Variants in CNTNAP2 observed in about 807,000 individuals in gnomAD.
CNTNAP2 encodes the protein contactin associated protein 2.
In CNTNAP2, 98 loss-of-function variants were observed where a neutral mutation model predicts 155.2. The observed-to-expected ratio is 0.63, with a 90% CI of 0.54 to 0.75. CNTNAP2 has a LOEUF of 0.75. Ranked by LOEUF, CNTNAP2 falls within the 30% of genes least tolerant of loss-of-function variation. CNTNAP2 has a pLI of 0.00. For synonymous variants in CNTNAP2, 651 were observed against 631.2 expected, an observed-to-expected ratio of 1.03 and a Z score of -0.47; for missense variants, 1,727 against 1,688.1, an observed-to-expected ratio of 1.02 and a Z score of -0.40.
intron 13 of CNTNAP2, among the ~76,000 whole-genome samples, chr7:147,662,379 G>A (rs1563043472): frequency 6.6e-6 from 1 of 152,244 alleles, no homozygotes; most frequent in African/African-American, 2.4e-5. Flanking sequence ...CTGATTAACA[G>A]TGCATTGCAG....
chr7:146,924,904 C>T (rs1386993379), intron 3 of CNTNAP2, among the ~76,000 whole-genome samples: 2 of 151,810 alleles, frequency 1.3e-5, no homozygotes, highest in African/African-American at 4.8e-5. Context: ...TATTGGCATG[C>T]CAAGAATTGT....
chr7:146,780,356 T>C (rs1802463998), intron 2 of CNTNAP2, among the ~76,000 whole-genome samples: 1 of 151,962 alleles, frequency 6.6e-6, no homozygotes, highest in Non-Finnish European at 1.5e-5. Flanking sequence ...TGGCTAATTT[T>C]TTTTTTGTAT....
At position 146,914,272 on chromosome 7, in the gene CNTNAP2, T is replaced by C. The variant is rs1207220948; in HGVS notation, c.402+74368T>C. ...GCTATAAACATATGTGCAAGTATCT[T>C]TTTTGTATAGTGATTTTTTTTCCCT... On this transcript the variant is annotated intron_variant, in intron 3 of 23. Coordinates refer to ENST00000361727, the MANE Select transcript of CNTNAP2 (RefSeq NM_014141.6). 2.6e-5 allele frequency among the ~76,000 whole-genome samples: 4 copies of C among 151,988 alleles called. No homozygotes were observed. In the East Asian group the frequency reaches 7.7e-4, roughly 29 times the overall value.
intron 1 of CNTNAP2, among the ~76,000 whole-genome samples, chr7:146,461,263 G>A (rs1796631728): frequency 6.6e-6 from 1 of 151,856 alleles, no homozygotes; most frequent in Non-Finnish European, 1.5e-5. Flanking sequence ...AAATTAGCTG[G>A]GCGTGGTGGC....
At chr7:146,955,944 G>A (rs1797425818) in intron 3 of CNTNAP2, among the ~76,000 whole-genome samples, 1 of 151,986 alleles carries the variant, frequency 6.6e-6, no homozygotes, top group South Asian at 2.1e-4. Context: ...GCATCTTGTA[G>A]AACACTGGCC....
intron 16 of CNTNAP2, among the ~76,000 whole-genome samples, chr7:148,125,931 G>C (rs1201864122): frequency 6.6e-6 from 1 of 151,978 alleles, no homozygotes; most frequent in Admixed American, 6.6e-5. Flanking sequence ...TCGAACTCCT[G>C]ACCTCAAGTG....
chr7:147,625,542 G>A (rs1033250940), intron 12 of CNTNAP2, among the ~76,000 whole-genome samples: 6 of 152,246 alleles, frequency 3.9e-5, no homozygotes, highest in Admixed American at 1.3e-4. Flanking sequence ...TTGTTTGCAT[G>A]TGCTCACAAT....
In CNTNAP2 at chr7:146,665,783, T is replaced by TAAAAAAACAAAAAAACAAAAAAA. The variant is rs1554464843; in HGVS notation, c.98-108481_98-108480insCAAAAAAACAAAAAAAAAAAAAA. Among the ~76,000 whole-genome samples, 4 of 48,282 alleles carry TAAAAAAACAAAAAAACAAAAAAA rather than the reference T, an allele frequency of 8.3e-5. 1 individual carries two copies. The highest frequency in any genetic ancestry group is 4.5e-4 in the African/African-American group (4 of 8,824). 31.7% of individuals were successfully genotyped at this position (48,282 alleles called of 152,430 possible). On this transcript the variant is annotated intron_variant, in intron 1 of 23. Transcript: ENST00000361727. Reference sequence around the variant, plus strand: ...GCTATGGAGTGAGACTCTGTCTCATTAAAAAAAAAAAAAAATACATTTTGT... The same window carrying TAAAAAAACAAAAAAACAAAAAAA: ...GCTATGGAGTGAGACTCTGTCTCATTAAAAAAACAAAAAAACAAAAAAAAAAAAAAAAAAAAAATACATTTTGT...
At chr7:147,836,684 A>G (rs2116644629) in intron 13 of CNTNAP2, among the ~76,000 whole-genome samples, 1 of 152,324 alleles carries the variant, frequency 6.6e-6, no homozygotes, top group African/African-American at 2.4e-5. Flanking sequence ...CGGCAGGCAC[A>G]GGACATTTTG....
intron 1 of CNTNAP2, among the ~76,000 whole-genome samples, chr7:146,492,239 G>C (rs1326984401): frequency 1.3e-5 from 2 of 149,728 alleles, no homozygotes; most frequent in Non-Finnish European, 3.0e-5. Context: ...GAGAGAGAGG[G>C]GGAGAGAGAG....
At chr7:147,521,789 C>T (rs766755587) in intron 11 of CNTNAP2, among the ~76,000 whole-genome samples, 6 of 152,100 alleles carry the variant, frequency 3.9e-5, no homozygotes, top group Non-Finnish European at 4.4e-5. Flanking sequence ...AGACCAGGCG[C>T]TTTTATGAGG....
chr7:146,614,885 A>C (rs1395990379), intron 1 of CNTNAP2, among the ~76,000 whole-genome samples: 1 of 152,228 alleles, frequency 6.6e-6, no homozygotes, highest in Non-Finnish European at 1.5e-5. Context: ...TATTTATTTT[A>C]AATATTCTAT....
intron 3 of CNTNAP2, among the ~76,000 whole-genome samples, chr7:146,946,398 T>C (rs1195769579): frequency 1.3e-5 from 2 of 152,184 alleles, no homozygotes; most frequent in African/African-American, 2.4e-5. Flanking sequence ...ATTCCTTAGG[T>C]ATTTATAGTT....
At chr7:147,028,959 C>CTTTTTTTTTTT (rs397889433) in intron 3 of CNTNAP2, among the ~76,000 whole-genome samples, 1 of 103,744 alleles carries the variant, frequency 9.6e-6, no homozygotes, top group Non-Finnish European at 1.8e-5. Context: ...AAGATATGTT[C>CTTTTTTTTTTT]TTTTTTTTTT....
chr7:147,263,346 G>A (rs989421443), intron 8 of CNTNAP2, among the ~76,000 whole-genome samples: 1 of 148,964 alleles, frequency 6.7e-6, no homozygotes, highest in Admixed American at 6.8e-5. Flanking sequence ...GGGTGACAGA[G>A]GGAGACCCTG....
chr7:146,401,916 A>G (rs1795720082), intron 1 of CNTNAP2, among the ~76,000 whole-genome samples: 1 of 152,212 alleles, frequency 6.6e-6, no homozygotes, highest in Admixed American at 6.5e-5. Context: ...GATTGGTCAC[A>G]GTGTAAAGTT....
intron 13 of CNTNAP2, among the ~76,000 whole-genome samples, chr7:147,891,075 T>C (rs1438306017): frequency 6.6e-6 from 1 of 151,354 alleles, no homozygotes; most frequent in Non-Finnish European, 1.5e-5. Context: ...TTAAAAACTA[T>C]TTTTTTTAAA....
chr7:148,207,222 C>T (rs962597955), intron 18 of CNTNAP2, among the ~76,000 whole-genome samples: 2 of 152,260 alleles, frequency 1.3e-5, no homozygotes, highest in Non-Finnish European at 2.9e-5. Flanking sequence ...TGCACTCTTA[C>T]AGTGCAGGCG....
chr7:148,058,287 G>A (rs1421935091), intron 15 of CNTNAP2, among the ~76,000 whole-genome samples: 2 of 152,192 alleles, frequency 1.3e-5, no homozygotes, highest in South Asian at 2.1e-4. Flanking sequence ...CCAGAGCAGA[G>A]CAAACAGGCA....
Sources: allele counts gnomAD v4.1 joint callset (sites outside exome capture counted in the v4.1 genomes callset), GRCh38; gene constraint gnomAD v4.1.1; transcripts MANE v1.5; gene names NCBI Gene and HGNC (gene_info 2026-07-23, HGNC 2026-07-21).